C1R: variants seen among roughly 807,000 people sequenced by gnomAD.
C1R encodes complement C1r subcomponent.
C1R carries 15 observed loss-of-function variants against 27.6 expected under a neutral mutation model. The observed-to-expected ratio is 0.54, with a 90% confidence interval of 0.36 to 0.84. The LOEUF is 0.84. C1R is among the 40% of genes least tolerant of loss of function. C1R has a pLI of 0.01. For synonymous variants in C1R, 253 were observed against 228.8 expected (o/e 1.11, Z -0.95); for missense variants, 544 against 577.9 (o/e 0.94, Z 0.60).
At chr12:7,086,639 T>G in intron 7 of C1R, 182 bp from the exon 8 acceptor site, 1 of 385,698 alleles carries the variant, frequency 2.6e-6, no homozygotes, top group Non-Finnish European at 4.6e-6. Context: ...CCCCAGCCCA[T>G]TACAGACAGG....
intron 9 of C1R, among the ~76,000 whole-genome samples, chr12:7,085,070 AGTGGTGATG>A (rs1179558902): frequency 0.1 from 13,988 of 134,210 alleles, 782 homozygotes; most frequent in South Asian, 0.18. Context: ...TGGTAATGAT[AGTGGTGATG>A]GTGGTGATGG....
chr12:7,091,698 A>C lies in C1R; in HGVS notation c.3-18T>G, dbSNP rs1459643989. 2.8e-6 allele frequency: 2 copies of C among 722,302 alleles called. No homozygotes were observed. The highest frequency in any genetic ancestry group is 4.0e-5 in the Admixed American group (2 of 50,296). The allele number at this position is 722,302 out of a possible 1,614,324, so 44.7% of individuals were successfully genotyped here. ...AGAGCCACCTGCCAAAACAAAAGAGAGTATCTGGAGCTGGAGGGGTTCAGC... is the reference window on the plus strand; with the variant it reads ...AGAGCCACCTGCCAAAACAAAAGAGCGTATCTGGAGCTGGAGGGGTTCAGC... On this transcript the variant is annotated intron_variant, in intron 1 of 10. Transcript: ENST00000647956. The surrounding 1 kb of genome is among the most constrained non-coding windows in gnomAD (Gnocchi z 5.1).
Position 7,091,816 on chromosome 12 carries a change from T to C in C1R, c.3-136A>G. 1.4e-6 allele frequency: 1 copy of C among 707,456 alleles called. No individual in the cohort carries two copies. The highest frequency in any genetic ancestry group is 1.5e-5 in the South Asian group (1 of 66,754). The allele number at this position is 707,456 out of a possible 1,614,324, so 43.8% of individuals were successfully genotyped here. A position where few individuals can be genotyped will look rare whatever the true frequency, so the allele number is the denominator to read the frequency against. ...CTGCCCACCCTGAACCTCACAGACA[T>C]GTTCTCAGCAGGGGTGCGTGGGTGG... is the stretch of plus-strand genomic sequence containing the variant. On this transcript the variant is annotated intron_variant, in intron 1 of 10. Coordinates refer to ENST00000647956, the MANE Select transcript of C1R (RefSeq NM_001733.7). This position sits in a 1 kb window ranked among gnomAD's most constrained non-coding sequence, Gnocchi z 5.1.
At position 7,081,186 on chromosome 12, in the gene C1R, G is replaced by A. The variant is rs748702490; in HGVS notation, c.1464C>T (p.Gly488=). The change falls in exon 11 of 11, where the codon GGC becomes GGT. Residue 488 remains glycine, a synonymous_variant. Transcript: ENST00000647956. ...TCCAGCGGTCGCCCAGCAGGGCCCC[G>A]CCCCCGCGCCCGTGGATGTTGGTGA... ...QVFTNIHGRG[G]GALLGDRWIL... 1.7e-5 allele frequency: 27 copies of A among 1,613,580 alleles called. No individual in the cohort carries two copies. The East Asian group carries it at 1.8e-4, about 11-fold the overall frequency.
In C1R at chr12:7,091,345, C is replaced by T. The variant is rs1302578882; in HGVS notation, c.231+107G>A. The stretch of plus-strand genomic sequence containing the variant: ...GGCTCTCAGAGAGGCCGTTGGCCAT[C>T]AGCTCTTGTGGGGCTGGGCTGTGTC... On this transcript the variant is annotated intron_variant, in intron 2 of 10. Coordinates refer to ENST00000647956, the MANE Select transcript of C1R (RefSeq NM_001733.7). This position sits in a 1 kb window ranked among gnomAD's most constrained non-coding sequence, Gnocchi z 5.1. 1.5e-6 allele frequency: 1 copy of T among 669,856 alleles called. No homozygotes were observed. Among genetic ancestry groups the T allele is most frequent in the East Asian group, 2.7e-5 (1 of 37,010 alleles). The allele number at this position is 669,856 out of a possible 1,614,324, so 41.5% of individuals were successfully genotyped here. A position where few individuals can be genotyped will look rare whatever the true frequency, so the allele number is the denominator to read the frequency against.
At chr12:7,090,314 T>G (rs985885196) in intron 2 of C1R, 66 bp from the exon 3 acceptor site, 1 of 677,914 alleles carries the variant, frequency 1.5e-6, no homozygotes, top group Middle Eastern at 3.3e-4. Context: ...GGTGGCTCAG[T>G]GATGGTCCTC....
intron 3 of C1R, 95 bp from the exon 4 acceptor site, chr12:7,089,828 C>G (rs904461071): frequency 4.1e-6 from 3 of 725,266 alleles, no homozygotes; most frequent in Middle Eastern, 4.6e-4. Flanking sequence ...GACCTAAAGA[C>G]AAAGGCATCT....
At chr12:7,087,398 A>G (rs1265743078) in intron 7 of C1R, 1 of 154,412 alleles carries the variant, frequency 6.5e-6, no homozygotes, top group Non-Finnish European at 1.5e-5. Context: ...AGACAAAACA[A>G]AAAGACCAAA....
At chr12:7,082,134 T>A in intron 9 of C1R, 28 bp from the exon 10 acceptor site, 1 of 1,336,302 alleles carries the variant, frequency 7.5e-7, no homozygotes, top group Non-Finnish European at 1.0e-6. Flanking sequence ...AAGAATCAAG[T>A]TGGGGGGTGA....
intron 2 of C1R, chr12:7,090,449 T>G: frequency 1.7e-6 from 1 of 590,566 alleles, no homozygotes; most frequent in Non-Finnish European, 3.0e-6. Flanking sequence ...ACTGACTCAC[T>G]CTTTGCGTGT....
chr12:7,090,300 AC>A, intron 2 of C1R, 52 bp from the exon 3 acceptor site: 1 of 691,176 alleles, frequency 1.4e-6, no homozygotes, highest in Non-Finnish European at 2.7e-6. Flanking sequence ...GGAGTGGCGC[AC>A]GTGGTGGCTC....
At position 7,080,488 on chromosome 12, in the gene C1R, T is replaced by C; in HGVS notation, c.*44A>G. 1 of 1,510,644 alleles carries C rather than the reference T, an allele frequency of 6.6e-7. No homozygotes were observed. Among genetic ancestry groups the C allele is most frequent in the South Asian group, 1.4e-5 (1 of 72,604 alleles). 93.6% of individuals were successfully genotyped at this position (1,510,644 alleles called of 1,614,324 possible). ...CTGGTCAGTTGTTTTTTGTTTTTTTTTTTCCACACTGCTCTCTGGATTCGA... is the reference window on the plus strand; with the variant it reads ...CTGGTCAGTTGTTTTTTGTTTTTTTCTTTCCACACTGCTCTCTGGATTCGA... On this transcript the variant is annotated 3_prime_UTR_variant, in exon 11 of 11. Coordinates refer to ENST00000647956, the MANE Select transcript of C1R (RefSeq NM_001733.7). This position sits in a 1 kb window ranked among gnomAD's most constrained non-coding sequence, Gnocchi z 4.9.
intron 5 of C1R, 122 bp downstream of exon 5, chr12:7,089,171 A>T (rs752189736): frequency 6.0e-6 from 4 of 664,736 alleles, no homozygotes; most frequent in Non-Finnish European, 1.1e-5. Flanking sequence ...TACCCAGCCC[A>T]TGGGTGATGT....
At chr12:7,087,935 G>A (rs967670155) in intron 7 of C1R, 1 of 157,294 alleles carries the variant, frequency 6.4e-6, no homozygotes, top group African/African-American at 2.4e-5. Flanking sequence ...TCTGTCCAGA[G>A]ACAGAGATTT....
chr12:7,084,787 AATC>A (rs1393235347), intron 9 of C1R, among the ~76,000 whole-genome samples: 2 of 118,728 alleles, frequency 1.7e-5, no homozygotes, highest in African/African-American at 7.7e-5. Flanking sequence ...TGGTGTTGGT[AATC>A]ATGATGGTGA....
intron 1 of C1R, chr12:7,092,146 C>T (rs1938291716): frequency 3.3e-6 from 2 of 610,164 alleles, no homozygotes; most frequent in South Asian, 3.9e-5. Flanking sequence ...CCTCTCGCTG[C>T]TCCCTGCCAA....
Position 7,089,413 on chromosome 12 carries a change from AG to A in C1R, c.647del (p.Pro216LeufsTer100). 1 of 780,500 alleles carries A rather than the reference AG, an allele frequency of 1.3e-6. No homozygotes were observed. Among genetic ancestry groups the A allele is most frequent in the Non-Finnish European group, 2.4e-6 (1 of 417,800 alleles). The allele number at this position is 780,500 out of a possible 1,614,324, so 48.3% of individuals were successfully genotyped here. A position where few individuals can be genotyped will look rare whatever the true frequency, so the allele number is the denominator to read the frequency against. Reference protein sequence around the residue: ...SSLEYPRSYPPDLRCNYSIRV... With the variant: ...SSLEYPRSYPXDLRCNYSIRV... The stretch of plus-strand genomic sequence containing the variant: ...GGATGCTGTAGTTGCAGCGCAGGTC[AG>A]GGGGGTAGGACCGAGGGTACTCCAG... On this transcript the variant is annotated frameshift_variant, in exon 5 of 11. Transcript: ENST00000647956. LOFTEE classifies it high-confidence loss of function.
chr12:7,081,278 C>G lies in C1R; in HGVS notation c.1372G>C (p.Val458Leu), dbSNP rs371759419. The change falls in exon 11 of 11, where the codon GTG becomes CTG. Residue 458 changes from valine (V) to leucine (L), a missense_variant. Around this residue, in one of 2 missense-constraint regions of C1R, gnomAD observed 253 missense variants for 368.9 expected, o/e 0.69. Transcript: ENST00000647956. Reference protein sequence around the residue: ...LPVCGKPVNPVEQRQRIIGGQ... With the variant: ...LPVCGKPVNPLEQRQRIIGGQ... ...CCGATGATGCGCTGCCTCTGTTCCACGGGGTTCACGGGCTTCCCACACACT... is the reference window on the plus strand; with the variant it reads ...CCGATGATGCGCTGCCTCTGTTCCAGGGGGTTCACGGGCTTCCCACACACT... 1 of 1,610,738 alleles carries G rather than the reference C, an allele frequency of 6.2e-7. No homozygotes were observed. Among genetic ancestry groups the G allele is most frequent in the African/African-American group, 1.3e-5 (1 of 74,864 alleles).
In C1R at chr12:7,092,052, G is replaced by T. The variant is rs1047777792; in HGVS notation, c.2+335C>A. On this transcript the variant is annotated intron_variant, in intron 1 of 10. Transcript: ENST00000647956. ...TGGGTCTCTGAAAGGGCTCCCACAG[G>T]TTCAGCAAGAGCGTCTGGGAGAAAC... The T allele has an allele frequency of 8.8e-6, 5 of 568,122 alleles. No homozygotes were observed. In the Admixed American group the frequency reaches 1.5e-4, roughly 17 times the overall value. The allele number at this position is 568,122 out of a possible 1,614,324, so 35.2% of individuals were successfully genotyped here.
Sources: gnomAD v4.1 joint callset for allele counts (sites outside exome capture counted in the v4.1 genomes callset) on GRCh38, gnomAD v4.1.1 for gene constraint, gnomAD v4.1.1 regional missense constraint, Gnocchi (gnomAD v3.1) non-coding constraint, MANE v1.5 for transcripts, NCBI Gene and HGNC (gene_info 2026-07-23, HGNC 2026-07-21) for gene names.